Variants in ADAMTS18 observed in about 807,000 individuals in gnomAD.
The protein encoded by ADAMTS18 is A disintegrin and metalloproteinase with thrombospondin motifs 18.
Under a neutral mutation model 165.9 loss-of-function variants are expected in ADAMTS18, and 157 were observed. The observed-to-expected ratio is 0.95, with a 90% confidence interval of 0.83 to 1.08. The LOEUF is 1.08. Among genes scored for constraint, ADAMTS18 ranks in the 50% least tolerant of loss-of-function variants. The pLI is 0.00. For missense variants in ADAMTS18, 2,040 were observed against 1,534.0 expected (o/e 1.33, Z -5.51); for synonymous variants, 782 against 578.2 (o/e 1.35, Z -5.06).
At chr16:77,414,862 A>C (rs2057509719) in intron 3 of ADAMTS18, among the ~76,000 whole-genome samples, 1 of 152,254 alleles carries the variant, frequency 6.6e-6, no homozygotes, top group Admixed American at 6.5e-5. Flanking sequence ...GAAATCAATT[A>C]AAAATGGTTA....
intron 3 of ADAMTS18, among the ~76,000 whole-genome samples, chr16:77,417,030 T>C (rs538064961): frequency 3.2e-4 from 48 of 152,290 alleles, no homozygotes; most frequent in African/African-American, 1.1e-3. Flanking sequence ...GCTTGCCCTT[T>C]AAAAATCAGT....
At position 77,406,697 on chromosome 16, in the gene ADAMTS18, G is replaced by A. The variant is rs138357875; in HGVS notation, c.495+24598C>T. Among the ~76,000 whole-genome samples the A allele has an allele frequency of 4.0e-3, 609 of 151,936 alleles. 1 individual carries two copies. The highest frequency in any genetic ancestry group is 0.014 in the Middle Eastern group (4 of 294). On this transcript the variant is annotated intron_variant, in intron 3 of 22. Transcript: ENST00000282849. ...CGGCACTATACACAATAGCAAAGAC[G>A]CAGAATCAACCTAAAAGCCCATCAA... is the stretch of plus-strand genomic sequence containing the variant.
chr16:77,342,275 T>C (rs1184132593), intron 10 of ADAMTS18, among the ~76,000 whole-genome samples: 1 of 152,216 alleles, frequency 6.6e-6, no homozygotes, highest in Non-Finnish European at 1.5e-5. Flanking sequence ...TATAGACTTA[T>C]TCTCAAGGAT....
chr16:77,295,233 T>C lies in ADAMTS18; in HGVS notation c.2802-106A>G, dbSNP rs986180482. The C allele has an allele frequency of 3.7e-5, 42 of 1,127,776 alleles. No homozygotes were observed. In the African/African-American group the frequency reaches 4.9e-4, roughly 13 times the overall value. The allele number at this position is 1,127,776 out of a possible 1,614,324, so 69.9% of individuals were successfully genotyped here. ...CACCTATGGAAGCCATGAATCAATT[T>C]CAGAACCAATAAGATAAGTTATTCT... is the stretch of plus-strand genomic sequence containing the variant. On this transcript the variant is annotated intron_variant, in intron 18 of 22. Transcript: ENST00000282849.
At chr16:77,367,040 C>T (rs2056805255) in intron 4 of ADAMTS18, among the ~76,000 whole-genome samples, 1 of 152,164 alleles carries the variant, frequency 6.6e-6, no homozygotes, top group African/African-American at 2.4e-5. Context: ...TGTTTCACAG[C>T]TACCTCCCTC....
At chr16:77,427,325 A>G (rs542133153) in intron 3 of ADAMTS18, among the ~76,000 whole-genome samples, 12 of 152,356 alleles carry the variant, frequency 7.9e-5, no homozygotes, top group Admixed American at 3.3e-4. Flanking sequence ...ATAGGAAGAA[A>G]CATGCAAGTT....
chr16:77,430,964 A>C (rs1181549268), intron 3 of ADAMTS18, among the ~76,000 whole-genome samples: 1 of 152,228 alleles, frequency 6.6e-6, no homozygotes, highest in East Asian at 1.9e-4. Context: ...GAAGCTTGTT[A>C]GATTTATAGA....
rs566809667 is a variant in ADAMTS18 at position 77,420,894 on chromosome 16, G to A, written c.495+10401C>T. ...AAGAGGCAAAGTTAAATAGAAAAAG[G>A]AGATGAGGAATTGTAAAATCACAGG... On this transcript the variant is annotated intron_variant, in intron 3 of 22. Coordinates refer to ENST00000282849, the MANE Select transcript of ADAMTS18 (RefSeq NM_199355.4). Among the ~76,000 whole-genome samples the A allele has an allele frequency of 5.0e-4, 76 of 152,254 alleles. 1 individual carries two copies. The South Asian group carries it at 0.016, about 31-fold the overall frequency.
chr16:77,334,570 T>G (rs1158814608), intron 12 of ADAMTS18, among the ~76,000 whole-genome samples: 1 of 112,656 alleles, frequency 8.9e-6, no homozygotes, highest in Non-Finnish European at 1.7e-5. Context: ...TAGTAGTATA[T>G]ATAGTATATA....
At chr16:77,401,368 A>G (rs139528604) in intron 3 of ADAMTS18, among the ~76,000 whole-genome samples, 1 of 152,364 alleles carries the variant, frequency 6.6e-6, no homozygotes, top group East Asian at 1.9e-4. Flanking sequence ...ACTAGATGCC[A>G]TTTTCAGACC....
At chr16:77,387,160 C>T (rs1233955890) in intron 3 of ADAMTS18, among the ~76,000 whole-genome samples, 3 of 152,186 alleles carry the variant, frequency 2.0e-5, no homozygotes, top group South Asian at 4.1e-4. Context: ...GGAATGTATG[C>T]AGTGATTTCC....
At chr16:77,376,392 G>A (rs554623595) in intron 3 of ADAMTS18, among the ~76,000 whole-genome samples, 1 of 152,226 alleles carries the variant, frequency 6.6e-6, no homozygotes, top group South Asian at 2.1e-4. Context: ...CGTGAGATTT[G>A]GGTGGGGACA....
rs556626200 is a variant in ADAMTS18, at chr16:77,312,809, G to A, written c.2532+7040C>T. Among the ~76,000 whole-genome samples the A allele has an allele frequency of 2.0e-5, 3 of 152,268 alleles. No homozygotes were observed. In the South Asian group the frequency reaches 6.2e-4, roughly 32 times the overall value. On this transcript the variant is annotated intron_variant, in intron 16 of 22. Coordinates refer to ENST00000282849, the MANE Select transcript of ADAMTS18 (RefSeq NM_199355.4). ...TCAGGAAACAACAGGTGCTGGAGAG[G>A]ATGTGGAGAAATAGGAACACTTTTA...
chr16:77,359,305 A>G lies in ADAMTS18; in HGVS notation c.1322+13T>C, dbSNP rs1330193448. On this transcript the variant is annotated intron_variant, in intron 8 of 22. Transcript: ENST00000282849. The stretch of plus-strand genomic sequence containing the variant: ...AGTTTTCACATAAAGTAGTGGTTCA[A>G]AGAGGCACTTACTTGTGCCCTGACT... 1 of 1,608,320 alleles carries G rather than the reference A, an allele frequency of 6.2e-7. No homozygotes were observed. The highest frequency in any genetic ancestry group is 1.7e-5 in the Admixed American group (1 of 59,872).
At chr16:77,396,714 A>T (rs11860781) in intron 3 of ADAMTS18, among the ~76,000 whole-genome samples, 17,918 of 152,164 alleles carry the variant, frequency 0.12, 1,248 homozygotes, top group African/African-American at 0.18. Flanking sequence ...AGACCAGGTG[A>T]ATTCCAAAAA....
rs1346457050 is a variant in ADAMTS18, at chr16:77,355,966, G to A, written c.1434C>T (p.Ser478=). The change falls in exon 9 of 23, where the codon AGC becomes AGT. Residue 478 remains serine, a synonymous_variant. Transcript: ENST00000282849. ...NNGVFSWSSC[S]RQYLKKFLST... ...TGAGGAATTTCTTGAGATACTGGCGGCTGCAGGAAGACCATGAAAACACTC... is the reference window on the plus strand; with the variant it reads ...TGAGGAATTTCTTGAGATACTGGCGACTGCAGGAAGACCATGAAAACACTC... 6.2e-7 allele frequency: 1 copy of A among 1,613,962 alleles called. No homozygotes were observed. The highest frequency in any genetic ancestry group is 1.7e-5 in the Admixed American group (1 of 59,996).
At chr16:77,323,223 T>A (rs985108191) in intron 13 of ADAMTS18, among the ~76,000 whole-genome samples, 2 of 152,172 alleles carry the variant, frequency 1.3e-5, no homozygotes, top group Admixed American at 6.5e-5. Flanking sequence ...GAATTCCAGA[T>A]AACGTTTCTC....
At chr16:77,379,326 G>C (rs1185074820) in intron 3 of ADAMTS18, among the ~76,000 whole-genome samples, 2 of 151,596 alleles carry the variant, frequency 1.3e-5, no homozygotes, top group Non-Finnish European at 3.0e-5. Context: ...TTTTGGTTTG[G>C]CTAGCATCAT....
intron 3 of ADAMTS18, among the ~76,000 whole-genome samples, chr16:77,383,343 C>T (rs1251515029): frequency 2.0e-5 from 3 of 152,144 alleles, no homozygotes; most frequent in African/African-American, 7.2e-5. Flanking sequence ...CCAAATGCAG[C>T]ATCTAGTAGC....
Sources: allele counts gnomAD v4.1 joint callset (sites outside exome capture counted in the v4.1 genomes callset), GRCh38; gene constraint gnomAD v4.1.1; transcripts MANE v1.5; gene names NCBI Gene and HGNC (gene_info 2026-07-23, HGNC 2026-07-21).